The following SCAI variants were observed in gnomAD, a reference collection of about 807,000 sequenced individuals.
SCAI encodes the protein suppressor of cancer cell invasion, also known as protein SCAI.
Under a neutral mutation model 92.2 loss-of-function variants are expected in SCAI, and 24 were observed. That is an observed-to-expected ratio of 0.26 (90% confidence interval 0.19 to 0.37). The LOEUF is 0.37. SCAI is among the 10% of genes least tolerant of loss of function. The pLI, the probability that SCAI is intolerant of heterozygous loss-of-function variation, is 1.00. For missense variants in SCAI, 450 were observed against 736.2 expected (o/e 0.61, Z 4.50); for synonymous variants, 261 against 258.6 (o/e 1.01, Z -0.09).
chr9:125,115,092 G>A (rs910799978), intron 2 of SCAI, among the ~76,000 whole-genome samples: 2 of 151,966 alleles, frequency 1.3e-5, no homozygotes, highest in Non-Finnish European at 2.9e-5. Flanking sequence ...TCTTGAAGCA[G>A]CCGGGCGCGG....
intron 2 of SCAI, among the ~76,000 whole-genome samples, chr9:125,118,709 C>T (rs1430394431): frequency 1.3e-5 from 2 of 152,100 alleles, no homozygotes; most frequent in African/African-American, 4.8e-5. Context: ...TCACCACCCC[C>T]ACCCCACATG....
chr9:125,106,125 ATATATATATATAT>A (rs1834787969), intron 2 of SCAI, among the ~76,000 whole-genome samples: 8 of 82,188 alleles, frequency 9.7e-5, no homozygotes, highest in African/African-American at 5.1e-4. Context: ...AAAAAAAAAT[ATATATATATATAT>A]ATATATATAT....
intron 2 of SCAI, among the ~76,000 whole-genome samples, chr9:125,135,176 G>A (rs1835495493): frequency 6.6e-6 from 1 of 152,134 alleles, no homozygotes; most frequent in South Asian, 2.1e-4. Flanking sequence ...GGAAATAAAA[G>A]TTTTAAGGGG....
At chr9:125,094,048 G>A (rs996930543) in intron 2 of SCAI, among the ~76,000 whole-genome samples, 13 of 152,002 alleles carry the variant, frequency 8.6e-5, no homozygotes, top group African/African-American at 2.9e-4. Flanking sequence ...CCCCTTCTCG[G>A]TTGGAGCAAC....
At chr9:125,136,241 G>T (rs1334255926) in intron 2 of SCAI, among the ~76,000 whole-genome samples, 1 of 150,278 alleles carries the variant, frequency 6.7e-6, no homozygotes, top group African/African-American at 2.4e-5. Context: ...CTCCCAACTA[G>T]CTGGGACTAC....
intron 6 of SCAI, among the ~76,000 whole-genome samples, chr9:125,025,081 G>T (rs1832942014): frequency 1.3e-5 from 2 of 152,104 alleles, no homozygotes; most frequent in South Asian, 4.1e-4. Flanking sequence ...TTCTCTCCTG[G>T]CTCTTGATTT....
At chr9:125,033,582 T>G (rs755569659) in intron 3 of SCAI, among the ~76,000 whole-genome samples, 3 of 152,180 alleles carry the variant, frequency 2.0e-5, no homozygotes, top group Admixed American at 1.3e-4. Context: ...TTCCCGCATT[T>G]AAAAAGTAAA....
chr9:125,073,393 C>T (rs993506586), intron 2 of SCAI, among the ~76,000 whole-genome samples: 30 of 152,094 alleles, frequency 2.0e-4, no homozygotes, highest in South Asian at 4.2e-4. Flanking sequence ...CGTGAGCCAC[C>T]GCGCCCGGCC....
intron 14 of SCAI, among the ~76,000 whole-genome samples, chr9:124,991,031 TA>T (rs1338353637): frequency 6.6e-6 from 1 of 152,188 alleles, no homozygotes. Context: ...AATACAACTT[TA>T]AACTATATGC....
At chr9:125,105,251 C>T (rs1834753495) in intron 2 of SCAI, among the ~76,000 whole-genome samples, 1 of 151,998 alleles carries the variant, frequency 6.6e-6, no homozygotes, top group Non-Finnish European at 1.5e-5. Flanking sequence ...AGGAAGATTG[C>T]TACCACTGCA....
chr9:125,136,785 TTG>T (rs1835543748), intron 2 of SCAI, among the ~76,000 whole-genome samples: 3 of 146,596 alleles, frequency 2.0e-5, no homozygotes, highest in Non-Finnish European at 3.0e-5. Flanking sequence ...TTTTTTTTTT[TTG>T]AGACGAAGTC....
intron 17 of SCAI, among the ~76,000 whole-genome samples, chr9:124,953,992 G>A (rs1290998496): frequency 6.6e-6 from 1 of 152,176 alleles, no homozygotes; most frequent in Non-Finnish European, 1.5e-5. Flanking sequence ...GGCACCACAG[G>A]TGTGCACAAC....
intron 2 of SCAI, among the ~76,000 whole-genome samples, chr9:125,115,641 T>C (rs1478536873): frequency 6.6e-6 from 1 of 152,138 alleles, no homozygotes; most frequent in Non-Finnish European, 1.5e-5. Flanking sequence ...GAATATAAAA[T>C]TTAACAAATC....
intron 2 of SCAI, among the ~76,000 whole-genome samples, chr9:125,141,894 C>G (rs903612327): frequency 3.9e-5 from 6 of 152,156 alleles, no homozygotes; most frequent in Admixed American, 6.5e-5. Context: ...CATTCGTACA[C>G]AGTACTTGGC....
intron 9 of SCAI, among the ~76,000 whole-genome samples, chr9:125,014,605 C>T (rs1226391407): frequency 6.6e-6 from 1 of 152,154 alleles, no homozygotes; most frequent in Non-Finnish European, 1.5e-5. Flanking sequence ...GGCCATACTG[C>T]CCAAGGTAAT....
At chr9:125,033,440 G>A (rs1833124508) in intron 3 of SCAI, among the ~76,000 whole-genome samples, 1 of 151,870 alleles carries the variant, frequency 6.6e-6, no homozygotes, top group South Asian at 2.1e-4. Context: ...GATGTATTAT[G>A]GGAACTAGTA....
At chr9:125,049,177 TATA>T (rs531759241) in intron 3 of SCAI, among the ~76,000 whole-genome samples, 3 of 151,950 alleles carry the variant, frequency 2.0e-5, no homozygotes, top group African/African-American at 4.8e-5. Context: ...TTATATGTAC[TATA>T]ATAATAATAT....
chr9:125,002,193 C>T (rs1772858288), intron 11 of SCAI, 150 bp from the exon 12 acceptor site: 1 of 613,508 alleles, frequency 1.6e-6, no homozygotes, highest in African/African-American at 1.8e-5. Flanking sequence ...TTGGTCCTGA[C>T]TTTAAAACTA....
intron 2 of SCAI, among the ~76,000 whole-genome samples, chr9:125,125,090 G>A (rs575841023): frequency 5.9e-5 from 9 of 151,980 alleles, no homozygotes; most frequent in East Asian, 3.9e-4. Context: ...GCATGGTGGC[G>A]CACACCTGTA....
Sources: gnomAD v4.1 joint callset for allele counts (sites outside exome capture counted in the v4.1 genomes callset) on GRCh38, gnomAD v4.1.1 for gene constraint, MANE v1.5 for transcripts, NCBI Gene and HGNC (gene_info 2026-07-23, HGNC 2026-07-21) for gene names.